Variants in RTN1 observed in about 807,000 individuals in gnomAD.
The protein encoded by RTN1 is reticulon 1, also known as reticulon-1.
Under a neutral mutation model 65.5 loss-of-function variants are expected in RTN1, and 25 were observed. The observed-to-expected ratio is 0.38, with a 90% CI of 0.28 to 0.53. RTN1 has a LOEUF of 0.53. Among genes scored for constraint, RTN1 ranks in the 20% least tolerant of loss-of-function variants. RTN1 has a pLI of 0.79. For synonymous variants in RTN1, 471 were observed against 447.6 expected, an observed-to-expected ratio of 1.05 and a Z score of -0.66; for missense variants, 983 against 1,025.4, an observed-to-expected ratio of 0.96 and a Z score of 0.57.
intron 3 of RTN1, among the ~76,000 whole-genome samples, chr14:59,659,272 C>A (rs992910279): frequency 1.3e-5 from 2 of 151,822 alleles, no homozygotes; most frequent in African/African-American, 4.8e-5. Context: ...GATTGGTGTA[C>A]CTGAAAGTGA....
chr14:59,819,804 C>A lies in RTN1; in HGVS notation c.241+50586G>T, dbSNP rs138946303. On this transcript the variant is annotated intron_variant, in intron 1 of 8. Transcript: ENST00000267484. Reference sequence around the variant, plus strand: ...GGACCCGGTGCATCCTACTCAGCTGCTGGCCCAGGTGCTAAGCCCCTCACT... The same window carrying A: ...GGACCCGGTGCATCCTACTCAGCTGATGGCCCAGGTGCTAAGCCCCTCACT... 9.2e-3 allele frequency among the ~76,000 whole-genome samples: 1,401 copies of A among 152,272 alleles called. 16 individuals are homozygous for A. Among genetic ancestry groups the A allele is most frequent in the Non-Finnish European group, 0.013 (883 of 67,998 alleles).
chr14:59,739,703 G>A (rs554740347), intron 2 of RTN1, among the ~76,000 whole-genome samples: 1 of 152,200 alleles, frequency 6.6e-6, no homozygotes, highest in East Asian at 1.9e-4. Context: ...ATTGACTTGG[G>A]GTCTGATTCA....
chr14:59,752,544 A>G (rs1464039660), intron 1 of RTN1, among the ~76,000 whole-genome samples: 1 of 152,096 alleles, frequency 6.6e-6, no homozygotes, highest in Non-Finnish European at 1.5e-5. Flanking sequence ...TGCCTGCAGG[A>G]CCTGATCCCA....
intron 3 of RTN1, among the ~76,000 whole-genome samples, chr14:59,715,680 G>T (rs1034856913): frequency 1.9e-4 from 29 of 152,076 alleles, no homozygotes; most frequent in African/African-American, 7.0e-4. Flanking sequence ...ACAAAAATTA[G>T]CCAGGCATGG....
At chr14:59,859,970 G>A (rs1376198778) in intron 1 of RTN1, among the ~76,000 whole-genome samples, 1 of 152,196 alleles carries the variant, frequency 6.6e-6, no homozygotes, top group Middle Eastern at 3.2e-3. Flanking sequence ...AAGGGAAACA[G>A]AGCATAAAAG....
intron 3 of RTN1, among the ~76,000 whole-genome samples, chr14:59,723,602 C>A (rs113310490): frequency 1.3e-5 from 2 of 151,670 alleles, no homozygotes; most frequent in Non-Finnish European, 2.9e-5. Flanking sequence ...GGCAACAGAG[C>A]GAGACTCCGT....
chr14:59,841,372 T>A (rs548406322), intron 1 of RTN1, among the ~76,000 whole-genome samples: 1 of 152,180 alleles, frequency 6.6e-6, no homozygotes, highest in Admixed American at 6.5e-5. Context: ...AACACTCCAA[T>A]TAAAAAGAAG....
intron 1 of RTN1, among the ~76,000 whole-genome samples, chr14:59,835,926 T>C (rs1055415241): frequency 6.6e-6 from 1 of 151,730 alleles, no homozygotes; most frequent in African/African-American, 2.4e-5. Flanking sequence ...TGGGTCTCAC[T>C]GGGCTGAAAT....
intron 3 of RTN1, among the ~76,000 whole-genome samples, chr14:59,661,319 G>A (rs1883242043): frequency 6.7e-6 from 1 of 148,920 alleles, no homozygotes; most frequent in Admixed American, 6.7e-5. Context: ...TTCTATTCGA[G>A]GTATAAAGAG....
intron 3 of RTN1, among the ~76,000 whole-genome samples, chr14:59,633,226 A>G (rs1185282349): frequency 6.6e-6 from 1 of 152,254 alleles, no homozygotes; most frequent in African/African-American, 2.4e-5. Flanking sequence ...TTGAAGGTTG[A>G]GGAAGTAAGA....
At chr14:59,800,987 A>G (rs1886536012) in intron 1 of RTN1, among the ~76,000 whole-genome samples, 1 of 152,154 alleles carries the variant, frequency 6.6e-6, no homozygotes, top group Non-Finnish European at 1.5e-5. Context: ...CTTACTGGAC[A>G]CAACTGAGGA....
chr14:59,804,499 TTAAAA>T (rs1193552509), intron 1 of RTN1, among the ~76,000 whole-genome samples: 1 of 152,212 alleles, frequency 6.6e-6, no homozygotes, highest in Non-Finnish European at 1.5e-5. Flanking sequence ...ATCGATATTT[TTAAAA>T]TATATTTTTA....
At chr14:59,654,923 C>A (rs76377878) in intron 3 of RTN1, among the ~76,000 whole-genome samples, 1 of 152,140 alleles carries the variant, frequency 6.6e-6, no homozygotes, top group Non-Finnish European at 1.5e-5. Flanking sequence ...ATTGTCTATT[C>A]TCACAACTTC....
In RTN1 at chr14:59,825,166, T is replaced by C. The variant is rs1241146520; in HGVS notation, c.241+45224A>G. 6.6e-6 allele frequency among the ~76,000 whole-genome samples: 1 copy of C among 152,244 alleles called. No homozygotes were observed. Among genetic ancestry groups the C allele is most frequent in the African/African-American group, 2.4e-5 (1 of 41,470 alleles). On this transcript the variant is annotated intron_variant, in intron 1 of 8. Transcript: ENST00000267484. The surrounding 1 kb of genome is among the most constrained non-coding windows in gnomAD (Gnocchi z 4.2). ...ATTGTAGAATCTTTACCAACATCCC[T>C]AGCCTCTACCGACTAGGTGCCAATA...
chr14:59,756,475 A>G (rs1000458944), intron 1 of RTN1, among the ~76,000 whole-genome samples: 4 of 152,148 alleles, frequency 2.6e-5, no homozygotes, highest in East Asian at 1.9e-4. Flanking sequence ...TAGTTATTCA[A>G]CCACCACCAC....
chr14:59,718,861 G>A (rs1356666171), intron 3 of RTN1, among the ~76,000 whole-genome samples: 2 of 152,110 alleles, frequency 1.3e-5, no homozygotes, highest in Non-Finnish European at 2.9e-5. Flanking sequence ...GGGGTATTGG[G>A]GATAAAGTCA....
intron 1 of RTN1, among the ~76,000 whole-genome samples, chr14:59,749,473 CTA>C (rs1278430865): frequency 3.8e-5 from 3 of 79,186 alleles, no homozygotes; most frequent in African/African-American, 1.3e-4. Flanking sequence ...TCTAATCTAT[CTA>C]TATATCTATA....
intron 1 of RTN1, among the ~76,000 whole-genome samples, chr14:59,764,346 G>A (rs1885808089): frequency 6.6e-6 from 1 of 150,594 alleles, no homozygotes; most frequent in African/African-American, 2.4e-5. Context: ...TTGAGATGGA[G>A]TTTCGCTCTT....
chr14:59,663,677 G>T (rs564311783), intron 3 of RTN1, among the ~76,000 whole-genome samples: 4 of 151,432 alleles, frequency 2.6e-5, no homozygotes, highest in Admixed American at 6.6e-5. Flanking sequence ...GATATGAACA[G>T]ACACTTCTCA....
Sources: gnomAD v4.1 joint callset for allele counts (sites outside exome capture counted in the v4.1 genomes callset) on GRCh38, gnomAD v4.1.1 for gene constraint, Gnocchi (gnomAD v3.1) non-coding constraint, MANE v1.5 for transcripts, NCBI Gene and HGNC (gene_info 2026-07-23, HGNC 2026-07-21) for gene names.